Variants in CDK14 observed in about 807,000 individuals in gnomAD.
The protein encoded by CDK14 is cyclin dependent kinase 14.
CDK14 carries 34 observed loss-of-function variants against 60.7 expected under a neutral mutation model. The observed-to-expected ratio is 0.56, with a 90% confidence interval of 0.43 to 0.75. CDK14 has a LOEUF of 0.75. Ranked by LOEUF, CDK14 falls within the 30% of genes least tolerant of loss-of-function variation. CDK14 has a pLI of 0.00. For synonymous variants in CDK14, 197 were observed against 203.7 expected (o/e 0.97, Z 0.28); for missense variants, 482 against 564.1 (o/e 0.85, Z 1.47).
intron 14 of CDK14, among the ~76,000 whole-genome samples, chr7:91,152,959 T>G (rs972393848): frequency 2.0e-5 from 3 of 152,170 alleles, no homozygotes; most frequent in African/African-American, 7.2e-5. Flanking sequence ...GTTTATAGTA[T>G]AAATAAGTCA....
chr7:91,177,096 A>C (rs1477340381), intron 14 of CDK14, among the ~76,000 whole-genome samples: 1 of 150,448 alleles, frequency 6.6e-6, no homozygotes, highest in Non-Finnish European at 1.5e-5. Context: ...CAGCACATCA[A>C]AAAGCTTATC....
At chr7:90,827,853 A>T (rs1355766480) in intron 5 of CDK14, among the ~76,000 whole-genome samples, 1 of 152,240 alleles carries the variant, frequency 6.6e-6, no homozygotes, top group Admixed American at 6.5e-5. Context: ...TCCATGTGAT[A>T]GCTTAAAAGC....
chr7:91,004,009 C>T (rs1036662706), intron 10 of CDK14, among the ~76,000 whole-genome samples: 3 of 152,102 alleles, frequency 2.0e-5, no homozygotes, highest in Non-Finnish European at 4.4e-5. Context: ...AGAGCTAAAG[C>T]AGTGCTTAGA....
chr7:90,784,271 C>T lies in CDK14; in HGVS notation c.465-6302C>T, dbSNP rs140573820. ...ATGGTTACTGGAGGTTGACAAGGGT[C>T]GTGGAGAGATGGAGGATAAAGAGGG... On this transcript the variant is annotated intron_variant, in intron 4 of 14. Transcript: ENST00000380050. 4.8e-3 allele frequency among the ~76,000 whole-genome samples: 736 copies of T among 151,932 alleles called. 3 individuals carry two copies. The highest frequency in any genetic ancestry group is 0.016 in the African/African-American group (661 of 41,442).
chr7:91,142,767 A>G (rs992408437), intron 14 of CDK14, among the ~76,000 whole-genome samples: 1 of 152,356 alleles, frequency 6.6e-6, no homozygotes, highest in South Asian at 2.1e-4. Context: ...ATATAGTTTC[A>G]GGGGAACCAG....
intron 5 of CDK14, among the ~76,000 whole-genome samples, chr7:90,809,167 C>T (rs1407772726): frequency 1.3e-5 from 2 of 152,118 alleles, no homozygotes; most frequent in Non-Finnish European, 2.9e-5. Context: ...ACAGAATATA[C>T]ATTCTTTTCA....
At chr7:90,748,993 T>C (rs1803703580) in intron 4 of CDK14, among the ~76,000 whole-genome samples, 1 of 152,248 alleles carries the variant, frequency 6.6e-6, no homozygotes, top group South Asian at 2.1e-4. Flanking sequence ...GATTATGTGC[T>C]AATTTAGGTA....
intron 9 of CDK14, among the ~76,000 whole-genome samples, chr7:90,971,957 C>T (rs1794945613): frequency 6.6e-6 from 1 of 152,114 alleles, no homozygotes; most frequent in South Asian, 2.1e-4. Flanking sequence ...AGCAGGCCAC[C>T]CTGGGCCTTG....
intron 14 of CDK14, among the ~76,000 whole-genome samples, chr7:91,153,914 A>T (rs929099776): frequency 1.3e-5 from 2 of 152,216 alleles, no homozygotes; most frequent in Non-Finnish European, 2.9e-5. Context: ...AGTTGACAAA[A>T]AAACAAAAGT....
intron 2 of CDK14, among the ~76,000 whole-genome samples, chr7:90,673,533 C>CA (rs997060766): frequency 5.3e-5 from 8 of 152,082 alleles, no homozygotes; most frequent in Non-Finnish European, 1.0e-4. Flanking sequence ...GCAGTCCTCC[C>CA]ACCTCAGCTT....
At chr7:90,834,201 G>A (rs931417272) in intron 5 of CDK14, among the ~76,000 whole-genome samples, 31 of 152,224 alleles carry the variant, frequency 2.0e-4, no homozygotes, top group East Asian at 3.9e-4. Context: ...TCTCTACTTT[G>A]TATCTCTCAT....
intron 2 of CDK14, among the ~76,000 whole-genome samples, chr7:90,608,194 C>T (rs762003188): frequency 2.0e-5 from 3 of 152,110 alleles, no homozygotes; most frequent in Non-Finnish European, 4.4e-5. Context: ...AGACCATGTC[C>T]TTAAGTGGCC....
intron 7 of CDK14, among the ~76,000 whole-genome samples, chr7:90,907,353 C>A (rs1409258730): frequency 1.3e-5 from 2 of 151,918 alleles, no homozygotes; most frequent in African/African-American, 2.4e-5. Context: ...TGCACTTTCA[C>A]AAATGACTAT....
chr7:90,794,353 C>A (rs1036846348), intron 5 of CDK14, among the ~76,000 whole-genome samples: 4 of 152,064 alleles, frequency 2.6e-5, no homozygotes, highest in African/African-American at 9.7e-5. Context: ...ACCGGTCTGA[C>A]CAAAATTTAT....
intron 9 of CDK14, among the ~76,000 whole-genome samples, chr7:90,968,518 G>T (rs1160079642): frequency 2.6e-5 from 4 of 152,148 alleles, no homozygotes; most frequent in Non-Finnish European, 5.9e-5. Flanking sequence ...TTCTGTGTGA[G>T]ACAATAGATT....
intron 4 of CDK14, among the ~76,000 whole-genome samples, chr7:90,783,707 CA>C (rs1805446333): frequency 2.0e-5 from 3 of 152,008 alleles, no homozygotes; most frequent in Non-Finnish European, 4.4e-5. Context: ...CTGAGAAATA[CA>C]AATCAAAACC....
chr7:91,031,262 A>G (rs1057203910), intron 10 of CDK14, among the ~76,000 whole-genome samples: 3 of 152,102 alleles, frequency 2.0e-5, no homozygotes, highest in East Asian at 3.9e-4. Flanking sequence ...TTTACTTGCT[A>G]TTTTTGCATG....
chr7:90,809,719 C>G (rs1789011541), intron 5 of CDK14, among the ~76,000 whole-genome samples: 1 of 152,022 alleles, frequency 6.6e-6, no homozygotes, highest in Non-Finnish European at 1.5e-5. Context: ...TGATAGACCG[C>G]TAGTAAGACT....
intron 14 of CDK14, among the ~76,000 whole-genome samples, chr7:91,159,071 G>C (rs1013900984): frequency 3.3e-5 from 5 of 152,150 alleles, no homozygotes; most frequent in East Asian, 1.9e-4. Context: ...TAGTAACCAG[G>C]CTCCAAAAGT....
Sources: allele counts gnomAD v4.1 joint callset (sites outside exome capture counted in the v4.1 genomes callset), GRCh38; gene constraint gnomAD v4.1.1; transcripts MANE v1.5; gene names NCBI Gene and HGNC (gene_info 2026-07-23, HGNC 2026-07-21).